CDK8: variants seen among roughly 807,000 people sequenced by gnomAD.
The protein encoded by CDK8 is cyclin dependent kinase 8.
A neutral mutation model predicts 71.5 loss-of-function variants in CDK8; 29 were observed. That is an observed-to-expected ratio of 0.41 (90% CI 0.30 to 0.55). The LOEUF (loss-of-function observed/expected upper bound fraction) is 0.55. CDK8 is among the 20% of genes least tolerant of loss of function. CDK8 has a pLI of 0.37. For missense variants in CDK8, 288 were observed against 572.6 expected (o/e 0.50, Z 5.07); for synonymous variants, 161 against 192.1 (o/e 0.84, Z 1.34).
intron 4 of CDK8, among the ~76,000 whole-genome samples, chr13:26,363,363 A>G (rs566496555): frequency 1.8e-3 from 255 of 141,290 alleles, no homozygotes; most frequent in African/African-American, 6.2e-3. Context: ...TATTTCAACT[A>G]TTGCAGCCAT....
chr13:26,387,943 G>T (rs765023352), intron 6 of CDK8, among the ~76,000 whole-genome samples: 2 of 152,108 alleles, frequency 1.3e-5, no homozygotes, highest in Non-Finnish European at 2.9e-5. Flanking sequence ...ACTGTTCACC[G>T]TTGTAAACCA....
intron 6 of CDK8, among the ~76,000 whole-genome samples, chr13:26,392,474 C>T (rs1442920812): frequency 1.3e-5 from 2 of 151,748 alleles, no homozygotes; most frequent in Admixed American, 6.6e-5. Flanking sequence ...ACTATAGCCG[C>T]GTGCCGCCAT....
At chr13:26,267,978 C>A (rs374009920) in intron 1 of CDK8, among the ~76,000 whole-genome samples, 1 of 152,148 alleles carries the variant, frequency 6.6e-6, no homozygotes, top group Non-Finnish European at 1.5e-5. Flanking sequence ...TGCTCAAGTA[C>A]AAGTAACTGG....
chr13:26,313,810 C>T (rs975267454), intron 1 of CDK8, among the ~76,000 whole-genome samples: 1 of 152,078 alleles, frequency 6.6e-6, no homozygotes. Context: ...ATATTTACTC[C>T]TTTAACTCAG....
intron 1 of CDK8, among the ~76,000 whole-genome samples, chr13:26,333,662 G>T (rs1417683615): frequency 6.6e-6 from 1 of 152,006 alleles, no homozygotes; most frequent in Non-Finnish European, 1.5e-5. Flanking sequence ...TTACCTTCAG[G>T]CAATGTGTAT....
At chr13:26,386,657 A>C (rs571299635) in intron 6 of CDK8, among the ~76,000 whole-genome samples, 1 of 152,248 alleles carries the variant, frequency 6.6e-6, no homozygotes, top group South Asian at 2.1e-4. Context: ...CTTAGAGGTA[A>C]ATTTTCTAGT....
At chr13:26,255,347 G>A (rs964538004) in intron 1 of CDK8, among the ~76,000 whole-genome samples, 1 of 152,328 alleles carries the variant, frequency 6.6e-6, no homozygotes, top group South Asian at 2.1e-4. Flanking sequence ...TATTAGCTGT[G>A]AATTTTTACA....
chr13:26,332,488 C>CATATATAT (rs71188722), intron 1 of CDK8, among the ~76,000 whole-genome samples: 3,020 of 148,196 alleles, frequency 0.02, 55 homozygotes, highest in Middle Eastern at 0.045. Flanking sequence ...CCATATAATA[C>CATATATAT]ATATATATAT....
At chr13:26,329,706 G>A (rs1190549548) in intron 1 of CDK8, among the ~76,000 whole-genome samples, 1 of 151,950 alleles carries the variant, frequency 6.6e-6, no homozygotes, top group Non-Finnish European at 1.5e-5. Context: ...GTTTTGCCAC[G>A]TTGGGCAGGC....
intron 1 of CDK8, among the ~76,000 whole-genome samples, chr13:26,335,920 T>TAACAAC (rs71080255): frequency 0.059 from 8,821 of 150,032 alleles, 283 homozygotes; most frequent in African/African-American, 0.067. Flanking sequence ...TTCTCTTGCT[T>TAACAAC]AACAACAACA....
intron 1 of CDK8, among the ~76,000 whole-genome samples, chr13:26,321,491 A>C (rs1248010861): frequency 6.6e-6 from 1 of 152,124 alleles, no homozygotes; most frequent in African/African-American, 2.4e-5. Context: ...AAAGGTATTT[A>C]ATACCTTTGA....
At chr13:26,260,815 A>G (rs1871739308) in intron 1 of CDK8, among the ~76,000 whole-genome samples, 1 of 152,386 alleles carries the variant, frequency 6.6e-6, no homozygotes, top group Admixed American at 6.5e-5. Context: ...CATTTGTTAG[A>G]TGGGAACTAT....
intron 4 of CDK8, among the ~76,000 whole-genome samples, chr13:26,373,563 T>C (rs1218738002): frequency 6.6e-6 from 1 of 152,178 alleles, no homozygotes; most frequent in Non-Finnish European, 1.5e-5. Flanking sequence ...AATTATAAAA[T>C]ATTTACATGT....
In CDK8 at chr13:26,254,198, AGT is replaced by A; in HGVS notation, c.-440_-439del. 1 of 242,834 alleles carries A rather than the reference AGT, an allele frequency of 4.1e-6. No homozygotes were observed. Among genetic ancestry groups the A allele is most frequent in the Non-Finnish European group, 8.0e-6 (1 of 124,242 alleles). The allele number at this position is 242,834 out of a possible 1,614,324, so 15.0% of individuals were successfully genotyped here. A position where few individuals can be genotyped will look rare whatever the true frequency, so the allele number is the denominator to read the frequency against. ...GTATGGGAGAGTGAGTGAGTGAGTG[AGT>A]GTGAGCGTGTGTGTGAGAGCGTGAG... On this transcript the variant is annotated 5_prime_UTR_variant, in exon 1 of 13. Coordinates refer to ENST00000381527, the MANE Select transcript of CDK8 (RefSeq NM_001260.3). This position sits in a 1 kb window ranked among gnomAD's most constrained non-coding sequence, Gnocchi z 6.7.
At chr13:26,399,427 C>A (rs1482468153) in intron 9 of CDK8, among the ~76,000 whole-genome samples, 1 of 152,202 alleles carries the variant, frequency 6.6e-6, no homozygotes, top group Non-Finnish European at 1.5e-5. Context: ...CTCCTACTCA[C>A]ATCTACCAAT....
chr13:26,392,609 A>T (rs1485249543), intron 6 of CDK8, among the ~76,000 whole-genome samples: 6 of 152,150 alleles, frequency 3.9e-5, no homozygotes. Context: ...TATAGGCATG[A>T]GCCACCACAC....
intron 1 of CDK8, among the ~76,000 whole-genome samples, chr13:26,329,591 C>T (rs1247166626): frequency 6.6e-6 from 1 of 151,774 alleles, no homozygotes; most frequent in Non-Finnish European, 1.5e-5. Context: ...CAACCTCCGC[C>T]TCCCGGGTTC....
intron 6 of CDK8, among the ~76,000 whole-genome samples, chr13:26,390,190 T>C (rs1346443091): frequency 3.9e-5 from 6 of 152,222 alleles, no homozygotes; most frequent in Non-Finnish European, 7.3e-5. Flanking sequence ...TTTGACTTCC[T>C]TGTTTGATAG....
At chr13:26,369,872 A>G (rs149642683) in intron 4 of CDK8, among the ~76,000 whole-genome samples, 2 of 151,810 alleles carry the variant, frequency 1.3e-5, no homozygotes, top group African/African-American at 4.8e-5. Context: ...ACGATTTTTG[A>G]CTATCATTTC....
Sources: allele counts gnomAD v4.1 joint callset (sites outside exome capture counted in the v4.1 genomes callset), GRCh38; gene constraint gnomAD v4.1.1; non-coding constraint Gnocchi (gnomAD v3.1); transcripts MANE v1.5; gene names NCBI Gene and HGNC (gene_info 2026-07-23, HGNC 2026-07-21).